Variants in CSMD1 observed in about 807,000 individuals in gnomAD.
The protein encoded by CSMD1 is CUB and sushi domain-containing protein 1.
A neutral mutation model predicts 417.5 loss-of-function variants in CSMD1; 213 were observed. The observed-to-expected ratio is 0.51, with a 90% CI of 0.46 to 0.57. CSMD1 has a LOEUF of 0.57. Ranked by LOEUF, CSMD1 falls within the 20% of genes least tolerant of loss-of-function variation. CSMD1 has a pLI of 0.00. For missense variants in CSMD1, 6,923 were observed against 4,529.7 expected, an observed-to-expected ratio of 1.53 and a Z score of -15.17; for synonymous variants, 2,862 against 1,736.8, an observed-to-expected ratio of 1.65 and a Z score of -16.11.
chr8:3,998,386 C>G (rs2130343796), intron 4 of CSMD1, among the ~76,000 whole-genome samples: 1 of 152,208 alleles, frequency 6.6e-6, no homozygotes, highest in East Asian at 1.9e-4. Context: ...TTGCCATGTA[C>G]CTGACATTGA....
At chr8:3,245,462 C>T (rs1193017789) in intron 26 of CSMD1, among the ~76,000 whole-genome samples, 2 of 152,158 alleles carry the variant, frequency 1.3e-5, no homozygotes, top group African/African-American at 4.8e-5. Flanking sequence ...TTTCTCAGTT[C>T]CTTTGAAATG....
At chr8:4,353,552 A>G (rs28662887) in intron 3 of CSMD1, among the ~76,000 whole-genome samples, 28,212 of 151,918 alleles carry the variant, frequency 0.19, 2,781 homozygotes, top group Non-Finnish European at 0.21. Context: ...CCTAGGAAAT[A>G]TACTAGATCA....
chr8:3,488,979 T>C (rs1299150781), intron 11 of CSMD1, among the ~76,000 whole-genome samples: 1 of 152,212 alleles, frequency 6.6e-6, no homozygotes, highest in Non-Finnish European at 1.5e-5. Context: ...ATTACCAACA[T>C]CAATTGTTTA....
intron 18 of CSMD1, among the ~76,000 whole-genome samples, chr8:3,374,143 G>A (rs560655510): frequency 4.6e-5 from 7 of 151,212 alleles, no homozygotes; most frequent in African/African-American, 1.5e-4. Flanking sequence ...TAGTAGAGAC[G>A]GGGTTTCACC....
intron 1 of CSMD1, among the ~76,000 whole-genome samples, chr8:4,700,419 T>G (rs79513985): frequency 6.6e-6 from 1 of 152,138 alleles, no homozygotes; most frequent in Non-Finnish European, 1.5e-5. Context: ...TTTATACTTA[T>G]AAACAGGTAG....
At position 4,341,455 on chromosome 8, in the gene CSMD1, A is replaced by G. The variant is rs193180500; in HGVS notation, c.415+78498T>C. On this transcript the variant is annotated intron_variant, in intron 3 of 69. Transcript: ENST00000635120. ...AGATAAGTTTACCTCATTGTGGTTA[A>G]GAAGCAGTATTCTCTGTGATCAAAG... Among the ~76,000 whole-genome samples the G allele has an allele frequency of 2.6e-3, 394 of 152,258 alleles. 3 individuals are homozygous for G. Among genetic ancestry groups the G allele is most frequent in the Non-Finnish European group, 4.3e-3 (293 of 67,994 alleles).
chr8:3,181,805 T>A (rs1285154313), intron 36 of CSMD1, among the ~76,000 whole-genome samples: 4 of 152,250 alleles, frequency 2.6e-5, no homozygotes, highest in Middle Eastern at 3.4e-3. Flanking sequence ...CTAGCCTACA[T>A]CACAGTAACT....
At chr8:3,870,932 A>C (rs1342742787) in intron 5 of CSMD1, among the ~76,000 whole-genome samples, 3 of 151,954 alleles carry the variant, frequency 2.0e-5, no homozygotes, top group Non-Finnish European at 4.4e-5. Flanking sequence ...ATAGCTTTTT[A>C]TGTATTCATA....
At chr8:3,544,043 G>C (rs968827701) in intron 10 of CSMD1, among the ~76,000 whole-genome samples, 2 of 152,126 alleles carry the variant, frequency 1.3e-5, no homozygotes, top group African/African-American at 2.4e-5. Context: ...CACAGGTGAA[G>C]TGTCCAGTGC....
chr8:3,525,694 C>G (rs1797725585), intron 10 of CSMD1, among the ~76,000 whole-genome samples: 1 of 152,166 alleles, frequency 6.6e-6, no homozygotes, highest in Non-Finnish European at 1.5e-5. Flanking sequence ...ATGTACCCAG[C>G]TTCCTATGAA....
At chr8:3,411,539 T>A (rs79116179) in intron 12 of CSMD1, among the ~76,000 whole-genome samples, 1 of 151,606 alleles carries the variant, frequency 6.6e-6, no homozygotes, top group South Asian at 2.1e-4. Context: ...TGAGAACATA[T>A]GATGTTTGGC....
At chr8:3,758,283 A>T (rs1022166943) in intron 5 of CSMD1, among the ~76,000 whole-genome samples, 3 of 152,214 alleles carry the variant, frequency 2.0e-5, no homozygotes, top group African/African-American at 4.8e-5. Flanking sequence ...TTCCTTTTAT[A>T]GAGAAGCAAG....
chr8:4,569,905 T>C (rs928580435), intron 2 of CSMD1, among the ~76,000 whole-genome samples: 1 of 152,230 alleles, frequency 6.6e-6, no homozygotes, highest in Non-Finnish European at 1.5e-5. Flanking sequence ...TTTGTAGCAA[T>C]TGTGAGTGGG....
chr8:4,335,068 A>T lies in CSMD1; in HGVS notation c.415+84885T>A, dbSNP rs1330733267. Among the ~76,000 whole-genome samples, 4 of 152,132 alleles carry T rather than the reference A, an allele frequency of 2.6e-5. No homozygotes were observed. The East Asian group carries it at 7.8e-4, about 30-fold the overall frequency. On this transcript the variant is annotated intron_variant, in intron 3 of 69. Transcript: ENST00000635120. ...AGATGCACACCACCATATCTGACTA[A>T]TTTTTGTACTTTGTGTAGAGACAGA...
At chr8:3,354,283 T>C (rs984438805) in intron 21 of CSMD1, among the ~76,000 whole-genome samples, 1 of 152,218 alleles carries the variant, frequency 6.6e-6, no homozygotes, top group Non-Finnish European at 1.5e-5. Context: ...CAGAGATGTT[T>C]CTTAACATAA....
intron 48 of CSMD1, among the ~76,000 whole-genome samples, chr8:3,090,221 G>A (rs1169678447): frequency 6.7e-6 from 1 of 149,930 alleles, no homozygotes; most frequent in Non-Finnish European, 1.5e-5. Flanking sequence ...GGAGGCTGAG[G>A]CAGGAGAATG....
chr8:4,622,046 G>C (rs1247762155), intron 2 of CSMD1, among the ~76,000 whole-genome samples: 1 of 151,930 alleles, frequency 6.6e-6, no homozygotes, highest in Non-Finnish European at 1.5e-5. Context: ...AAGAACATTT[G>C]TGAAAAATCT....
intron 1 of CSMD1, among the ~76,000 whole-genome samples, chr8:4,920,250 A>G (rs971527848): frequency 2.2e-4 from 34 of 152,294 alleles, no homozygotes; most frequent in African/African-American, 7.7e-4. Flanking sequence ...CTTATTCTAG[A>G]AAGTATTATA....
At chr8:4,108,374 G>C (rs552480576) in intron 3 of CSMD1, among the ~76,000 whole-genome samples, 1 of 152,126 alleles carries the variant, frequency 6.6e-6, no homozygotes, top group Non-Finnish European at 1.5e-5. Context: ...CCGGGTATCT[G>C]TATCAAGAAC....
Sources: gnomAD v4.1 joint callset for allele counts (sites outside exome capture counted in the v4.1 genomes callset) on GRCh38, gnomAD v4.1.1 for gene constraint, MANE v1.5 for transcripts, NCBI Gene and HGNC (gene_info 2026-07-23, HGNC 2026-07-21) for gene names.